CARMIL1: variants seen among roughly 807,000 people sequenced by gnomAD.
CARMIL1 encodes the protein F-actin-uncapping protein LRRC16A.
CARMIL1 carries 90 observed loss-of-function variants against 177.1 expected under a neutral mutation model. That is an observed-to-expected ratio of 0.51 (90% CI 0.43 to 0.61). The LOEUF (loss-of-function observed/expected upper bound fraction) is 0.61, where lower values mean the gene tolerates loss of function less well. Ranked by LOEUF, CARMIL1 falls within the 20% of genes least tolerant of loss-of-function variation. The probability of loss-of-function intolerance (pLI) is 0.00; values close to 1 mark genes in which losing one functional copy is unlikely to be tolerated. For missense variants in CARMIL1, 1,380 were observed against 1,667.0 expected (o/e 0.83, Z 3.00); for synonymous variants, 577 against 606.2 (o/e 0.95, Z 0.71).
At chr6:25,581,828 T>C (rs545595107) in intron 31 of CARMIL1, among the ~76,000 whole-genome samples, 1 of 152,152 alleles carries the variant, frequency 6.6e-6, no homozygotes, top group Non-Finnish European at 1.5e-5. Flanking sequence ...TAATTGGTAA[T>C]TAAAAATTGT....
At chr6:25,586,481 G>A (rs1216679689) in intron 31 of CARMIL1, among the ~76,000 whole-genome samples, 1 of 147,988 alleles carries the variant, frequency 6.8e-6, no homozygotes, top group African/African-American at 2.6e-5. Context: ...CTGGGCGGGT[G>A]GGCAGAGGGG....
chr6:25,399,368 T>G (rs1793704608), intron 2 of CARMIL1, among the ~76,000 whole-genome samples: 3 of 152,172 alleles, frequency 2.0e-5, no homozygotes, highest in Non-Finnish European at 4.4e-5. Flanking sequence ...GAGAAGACCC[T>G]CAACAGCCAT....
intron 29 of CARMIL1, chr6:25,563,403 T>A: frequency 3.0e-6 from 3 of 985,314 alleles, no homozygotes; most frequent in Non-Finnish European, 3.6e-6. Flanking sequence ...AAGGATGTAA[T>A]TCTTGTCTGT....
chr6:25,460,816 T>C (rs1800055183), intron 8 of CARMIL1, among the ~76,000 whole-genome samples: 1 of 152,242 alleles, frequency 6.6e-6, no homozygotes, highest in African/African-American at 2.4e-5. Flanking sequence ...AGGCCATCCT[T>C]GTACTTGTCT....
intron 36 of CARMIL1, among the ~76,000 whole-genome samples, chr6:25,617,671 C>T (rs1013194129): frequency 2.0e-5 from 3 of 152,148 alleles, no homozygotes; most frequent in Non-Finnish European, 4.4e-5. Flanking sequence ...TAATATAAGT[C>T]TTCCCTACTT....
At chr6:25,469,475 T>C (rs1800908227) in intron 9 of CARMIL1, among the ~76,000 whole-genome samples, 1 of 152,222 alleles carries the variant, frequency 6.6e-6, no homozygotes, top group Non-Finnish European at 1.5e-5. Context: ...CTCTTTTTTC[T>C]AAATATCATG....
chr6:25,294,881 G>T (rs1368717651), intron 2 of CARMIL1, among the ~76,000 whole-genome samples: 3 of 152,124 alleles, frequency 2.0e-5, no homozygotes, highest in Non-Finnish European at 4.4e-5. Flanking sequence ...GAATTAAACA[G>T]ACTTTCTCAG....
chr6:25,425,640 G>A (rs1233009551), intron 3 of CARMIL1, among the ~76,000 whole-genome samples: 4 of 152,080 alleles, frequency 2.6e-5, no homozygotes, highest in African/African-American at 9.7e-5. Context: ...AAGATTAGTG[G>A]CTGTTTATCA....
intron 2 of CARMIL1, among the ~76,000 whole-genome samples, chr6:25,354,250 C>T (rs766420262): frequency 5.3e-5 from 8 of 151,468 alleles, no homozygotes; most frequent in Non-Finnish European, 1.0e-4. Context: ...GCCTGCAGTT[C>T]CTGGACTCAA....
chr6:25,596,442 TA>T (rs1262914571), intron 32 of CARMIL1, among the ~76,000 whole-genome samples: 1 of 152,180 alleles, frequency 6.6e-6, no homozygotes, highest in Non-Finnish European at 1.5e-5. Flanking sequence ...TACAAAGGCT[TA>T]AAAAAGTTTC....
At chr6:25,395,417 A>G (rs72830758) in intron 2 of CARMIL1, among the ~76,000 whole-genome samples, 4 of 152,116 alleles carry the variant, frequency 2.6e-5, no homozygotes, top group Non-Finnish European at 4.4e-5. Context: ...TGGACTATGC[A>G]AATCTTTTCA....
chr6:25,461,530 A>G (rs565546300), intron 8 of CARMIL1, among the ~76,000 whole-genome samples: 8 of 152,358 alleles, frequency 5.3e-5, no homozygotes, highest in Middle Eastern at 3.4e-3. Context: ...TAGAAACTGT[A>G]TTAATATTAC....
At chr6:25,312,051 G>A (rs1400713928) in intron 2 of CARMIL1, among the ~76,000 whole-genome samples, 1 of 152,178 alleles carries the variant, frequency 6.6e-6, no homozygotes, top group Admixed American at 6.5e-5. Flanking sequence ...CTGTGCTCAT[G>A]GAACTTCAAA....
intron 2 of CARMIL1, among the ~76,000 whole-genome samples, chr6:25,409,142 G>A (rs994139215): frequency 3.3e-5 from 5 of 152,140 alleles, no homozygotes; most frequent in Non-Finnish European, 7.3e-5. Flanking sequence ...TTCTTAAATA[G>A]GTTATAGTTA....
At chr6:25,317,549 C>T (rs1396500515) in intron 2 of CARMIL1, among the ~76,000 whole-genome samples, 3 of 139,316 alleles carry the variant, frequency 2.2e-5, no homozygotes, top group East Asian at 2.2e-4. Flanking sequence ...TGGAAGCTTT[C>T]CTTTACTTAG....
intron 2 of CARMIL1, among the ~76,000 whole-genome samples, chr6:25,407,067 C>T (rs6937918): frequency 0.45 from 67,609 of 151,820 alleles, 15,338 homozygotes; most frequent in Middle Eastern, 0.58. Flanking sequence ...ATTTAGCAGC[C>T]GTGAGGTTGG....
intron 2 of CARMIL1, among the ~76,000 whole-genome samples, chr6:25,331,056 A>T (rs1263166195): frequency 6.6e-6 from 1 of 152,150 alleles, no homozygotes; most frequent in Non-Finnish European, 1.5e-5. Flanking sequence ...TTCTTCAACA[A>T]CAAGCAGCAA....
At position 25,580,812 on chromosome 6, in the gene CARMIL1, G is replaced by A. The variant is rs1053575989; in HGVS notation, c.2743-112G>A. 52 of 763,320 alleles carry A rather than the reference G, an allele frequency of 6.8e-5. No homozygotes were observed. The East Asian group carries it at 1.4e-3, about 20-fold the overall frequency. The allele number at this position is 763,320 out of a possible 1,614,324, so 47.3% of individuals were successfully genotyped here. ...GTTAGGTTTTCAATCATCTTCTAAA[G>A]CAGAGAAACAACTACTGAGTTAAAC... is the stretch of plus-strand genomic sequence containing the variant. On this transcript the variant is annotated intron_variant, in intron 29 of 36. Transcript: ENST00000329474.
chr6:25,427,982 C>T (rs1052441607), intron 4 of CARMIL1, among the ~76,000 whole-genome samples: 1 of 152,128 alleles, frequency 6.6e-6, no homozygotes, highest in African/African-American at 2.4e-5. Flanking sequence ...TTTTCATTCC[C>T]TTAACAGTGT....
Sources: gnomAD v4.1 joint callset for allele counts (sites outside exome capture counted in the v4.1 genomes callset) on GRCh38, gnomAD v4.1.1 for gene constraint, MANE v1.5 for transcripts, NCBI Gene and HGNC (gene_info 2026-07-23, HGNC 2026-07-21) for gene names.